The following SNPH variants were observed in gnomAD, a reference collection of about 807,000 sequenced individuals.
The protein encoded by SNPH is syntaphilin.
Under a neutral mutation model 36.8 loss-of-function variants are expected in SNPH, and 10 were observed. The ratio of observed to expected loss-of-function variants is 0.27; its 90% confidence interval spans 0.17 to 0.46. The LOEUF (loss-of-function observed/expected upper bound fraction) is 0.46. Among genes scored for constraint, SNPH ranks in the 20% least tolerant of loss-of-function variants. The probability of loss-of-function intolerance (pLI) is 1.00; values close to 1 mark genes in which losing one functional copy is unlikely to be tolerated. For synonymous variants in SNPH, 281 were observed against 312.2 expected, an observed-to-expected ratio of 0.90 and a Z score of 1.05; for missense variants, 622 against 744.0, an observed-to-expected ratio of 0.84 and a Z score of 1.91.
At chr20:1,303,221 C>T (rs943839298) in intron 6 of SNPH, among the ~76,000 whole-genome samples, 4 of 152,276 alleles carry the variant, frequency 2.6e-5, no homozygotes, top group Non-Finnish European at 5.9e-5. Context: ...TCTGTGCTTT[C>T]GTATCTGTGT....
Position 1,294,431 on chromosome 20 carries a change from AC to A in SNPH, c.-492-515del, listed in dbSNP as rs1352045060. On this transcript the variant is annotated intron_variant, in intron 2 of 6. Coordinates refer to ENST00000381867, the MANE Select transcript of SNPH (RefSeq NM_001318234.2). This position sits in a 1 kb window ranked among gnomAD's most constrained non-coding sequence, Gnocchi z 4.4. ...CATGGAGGAGCACTGATGTCCTCTT[AC>A]CCCCAAATCGCCCCTCCTCCATGGT... 6.6e-6 allele frequency among the ~76,000 whole-genome samples: 1 copy of A among 151,846 alleles called. No homozygotes were observed. Among genetic ancestry groups the A allele is most frequent in the Non-Finnish European group, 1.5e-5 (1 of 67,950 alleles).
chr20:1,279,561 A>G (rs957995628), intron 2 of SNPH, among the ~76,000 whole-genome samples: 9 of 150,388 alleles, frequency 6.0e-5, no homozygotes, highest in African/African-American at 2.0e-4. Context: ...CTCAGTGTGT[A>G]TGAGTGAGTG....
At chr20:1,269,337 T>C (rs1445930195) in intron 2 of SNPH, among the ~76,000 whole-genome samples, 2 of 152,230 alleles carry the variant, frequency 1.3e-5, no homozygotes, top group Non-Finnish European at 2.9e-5. Flanking sequence ...CTCAACGTCA[T>C]TTATGAAGTC....
chr20:1,294,041 C>A lies in SNPH; in HGVS notation c.-492-910C>A, dbSNP rs1365224151. ...CTGAGTCCTGCCTCTGCTGGAAAGTCCTCCTGAAGGCTCAGCCTCCTTTTT... is the reference window on the plus strand; with the variant it reads ...CTGAGTCCTGCCTCTGCTGGAAAGTACTCCTGAAGGCTCAGCCTCCTTTTT... On this transcript the variant is annotated intron_variant, in intron 2 of 6. Coordinates refer to ENST00000381867, the MANE Select transcript of SNPH (RefSeq NM_001318234.2). The surrounding 1 kb of genome is among the most constrained non-coding windows in gnomAD (Gnocchi z 4.4). 6.6e-6 allele frequency among the ~76,000 whole-genome samples: 1 copy of A among 152,178 alleles called. No homozygotes were observed. Among genetic ancestry groups the A allele is most frequent in the Non-Finnish European group, 1.5e-5 (1 of 68,030 alleles).
chr20:1,284,304 C>T (rs1600251877), intron 2 of SNPH, among the ~76,000 whole-genome samples: 6 of 152,292 alleles, frequency 3.9e-5, no homozygotes, highest in Admixed American at 3.9e-4. Context: ...CCTACACTTA[C>T]TTGGGTGGTG....
chr20:1,305,775 C>A lies in SNPH; in HGVS notation c.1338C>A (p.Cys446Ter). 1 of 1,609,142 alleles carries A rather than the reference C, an allele frequency of 6.2e-7. No homozygotes were observed. Among genetic ancestry groups the A allele is most frequent in the Non-Finnish European group, 8.5e-7 (1 of 1,178,300 alleles). Residue 446 changes from cysteine to a stop codon, truncating the protein, a stop_gained, in exon 7 of 7, where the codon TGC becomes TGA. Coordinates refer to ENST00000381867, the MANE Select transcript of SNPH (RefSeq NM_001318234.2). LOFTEE classifies it high-confidence loss of function. ...CTGGCCAGTCGGTGAGCGTGGTGTG[C>A]CCCATGGAAGAGGAGGAGGAGGCTG... is the stretch of plus-strand genomic sequence containing the variant. ...PNPGQSVSVV[C>*]PMEEEEEAAV...
chr20:1,294,407 A>G lies in SNPH; in HGVS notation c.-492-544A>G, dbSNP rs886754724. On this transcript the variant is annotated intron_variant, in intron 2 of 6. Coordinates refer to ENST00000381867, the MANE Select transcript of SNPH (RefSeq NM_001318234.2). This position sits in a 1 kb window ranked among gnomAD's most constrained non-coding sequence, Gnocchi z 4.4. Reference sequence around the variant, plus strand: ...GCCATTTATGGCCATCCTCACAAGCATGGAGGAGCACTGATGTCCTCTTAC... The same window carrying G: ...GCCATTTATGGCCATCCTCACAAGCGTGGAGGAGCACTGATGTCCTCTTAC... Among the ~76,000 whole-genome samples, 2 of 152,124 alleles carry G rather than the reference A, an allele frequency of 1.3e-5. No individual in the cohort carries two copies. Among genetic ancestry groups the G allele is most frequent in the African/African-American group, 4.8e-5 (2 of 41,428 alleles).
intron 2 of SNPH, among the ~76,000 whole-genome samples, chr20:1,271,021 G>A (rs1405641971): frequency 6.6e-6 from 1 of 152,232 alleles, no homozygotes; most frequent in East Asian, 1.9e-4. Context: ...AGAGGCTGAG[G>A]CCTGTGCACC....
Position 1,304,911 on chromosome 20 carries a change from G to C in SNPH, c.474G>C (p.Leu158=), listed in dbSNP as rs2088546894. Residue 158 remains leucine (L), a synonymous_variant, in exon 7 of 7, where the codon CTG becomes CTC. Transcript: ENST00000381867. This position sits in a 1 kb window ranked among gnomAD's most constrained non-coding sequence, Gnocchi z 4.3. Reference sequence around the variant, plus strand: ...AGATTGATGACCTGAAGACGCAGCTGTCACGCATGCAGGAGGACTGGATTG... The same window carrying C: ...AGATTGATGACCTGAAGACGCAGCTCTCACGCATGCAGGAGGACTGGATTG... ...DTEIDDLKTQ[L]SRMQEDWIEE... is the part of the protein sequence containing the mutation. 1.9e-6 allele frequency: 3 copies of C among 1,613,384 alleles called. No individual in the cohort carries two copies. The highest frequency in any genetic ancestry group is 2.5e-6 in the Non-Finnish European group (3 of 1,180,030).
intron 5 of SNPH, 33 bp from the exon 6 acceptor site, chr20:1,300,529 C>T (rs750345747): frequency 1.2e-6 from 2 of 1,613,246 alleles, no homozygotes; most frequent in Non-Finnish European, 1.7e-6. Context: ...CTGACCTCTT[C>T]CTCCCTCCCT....
At chr20:1,292,626 T>A (rs2077304) in intron 2 of SNPH, among the ~76,000 whole-genome samples, 8,912 of 152,240 alleles carry the variant, frequency 0.059, 827 homozygotes, top group African/African-American at 0.2. Context: ...ATTGTGCCCC[T>A]TTCCTATAAA....
chr20:1,277,610 CTGTG>C (rs535321800), intron 2 of SNPH, among the ~76,000 whole-genome samples: 49 of 68,856 alleles, frequency 7.1e-4, no homozygotes, highest in African/African-American at 2.5e-3. Flanking sequence ...CTGTGTGTGT[CTGTG>C]TATGTGTGCC....
At chr20:1,299,018 C>A (rs567694722) in intron 5 of SNPH, among the ~76,000 whole-genome samples, 7 of 152,002 alleles carry the variant, frequency 4.6e-5, no homozygotes, top group Admixed American at 2.6e-4. Flanking sequence ...ACTCCTACCA[C>A]CCCTTGCCAA....
chr20:1,304,984 C>T lies in SNPH; in HGVS notation c.547C>T (p.Arg183Ter), dbSNP rs762901766. 3.1e-6 allele frequency: 5 copies of T among 1,613,770 alleles called. No individual in the cohort carries two copies. Among genetic ancestry groups the T allele is most frequent in the Non-Finnish European group, 2.5e-6 (3 of 1,180,032 alleles). The change falls in exon 7 of 7, where the codon CGA (arginine) becomes TGA (stop). Residue 183 changes from arginine (R) to a stop codon, truncating the protein, a stop_gained. Coordinates refer to ENST00000381867, the MANE Select transcript of SNPH (RefSeq NM_001318234.2). LOFTEE classifies it high-confidence loss of function. The surrounding 1 kb of genome is among the most constrained non-coding windows in gnomAD (Gnocchi z 4.3). ...GGCCCAGCTGGCCCTGAAGGAGGCC[C>T]GAAAGGAGATCAAGCAGCTCAAGCA... ...VEAQLALKEA[R>*]KEIKQLKQVI... is the part of the protein sequence containing the mutation.
Position 1,276,938 on chromosome 20 carries a change from T to G in SNPH, c.-493+10178T>G, listed in dbSNP as rs935621935. Reference sequence around the variant, plus strand: ...TCGTTGGTCAATTATTAGAAATCAGTTGGGGTTCGGCTTGGATGTCTGTTT... The same window carrying G: ...TCGTTGGTCAATTATTAGAAATCAGGTGGGGTTCGGCTTGGATGTCTGTTT... On this transcript the variant is annotated intron_variant, in intron 2 of 6. Transcript: ENST00000381867. The surrounding 1 kb of genome is among the most constrained non-coding windows in gnomAD (Gnocchi z 4.6). Among the ~76,000 whole-genome samples the G allele has an allele frequency of 6.6e-6, 1 of 152,174 alleles. No individual in the cohort carries two copies. The highest frequency in any genetic ancestry group is 1.5e-5 in the Non-Finnish European group (1 of 68,034).
In SNPH at chr20:1,308,566, T is replaced by C. The variant is rs1273112631; in HGVS notation, c.*2512T>C. 1.3e-5 allele frequency: 2 copies of C among 152,654 alleles called. No homozygotes were observed. Among genetic ancestry groups the C allele is most frequent in the African/African-American group, 4.8e-5 (2 of 41,460 alleles). 9.5% of individuals were successfully genotyped at this position (152,654 alleles called of 1,614,324 possible). A position where few individuals can be genotyped will look rare whatever the true frequency, so the allele number is the denominator to read the frequency against. On this transcript the variant is annotated 3_prime_UTR_variant, in exon 7 of 7. Transcript: ENST00000381867. ...GCGGTGGAGGTGCGGCAGCTGCTGC[T>C]CAGGTGCCATGCCCTGAAGAGGCAG...
chr20:1,298,102 G>A (rs2088461876), intron 5 of SNPH, among the ~76,000 whole-genome samples: 1 of 152,194 alleles, frequency 6.6e-6, no homozygotes, highest in Non-Finnish European at 1.5e-5. Context: ...CCCCAGCATT[G>A]AAATACAAGT....
rs1426122179 is a variant in SNPH, at chr20:1,266,306, G to A, written c.-691G>A. 6.5e-6 allele frequency: 1 copy of A among 152,998 alleles called. No homozygotes were observed. Among genetic ancestry groups the A allele is most frequent in the Admixed American group, 6.8e-5 (1 of 14,728 alleles). 9.5% of individuals were successfully genotyped at this position (152,998 alleles called of 1,614,324 possible). ...CCTCCCTCCCGGCAGCCCCAGCCCC[G>A]GCGAGCACCCAGCTAGCCGCCTCCT... On this transcript the variant is annotated 5_prime_UTR_variant, in exon 1 of 7. Coordinates refer to ENST00000381867, the MANE Select transcript of SNPH (RefSeq NM_001318234.2). This position sits in a 1 kb window ranked among gnomAD's most constrained non-coding sequence, Gnocchi z 6.0.
chr20:1,295,592 G>T (rs752220319), intron 3 of SNPH, among the ~76,000 whole-genome samples, 184 bp from the exon 4 acceptor site: 1 of 152,260 alleles, frequency 6.6e-6, no homozygotes, highest in Admixed American at 6.5e-5. Context: ...CCTGTGTGCC[G>T]CATGGGTGCG....
Sources: gnomAD v4.1 joint callset for allele counts (sites outside exome capture counted in the v4.1 genomes callset) on GRCh38, gnomAD v4.1.1 for gene constraint, Gnocchi (gnomAD v3.1) non-coding constraint, MANE v1.5 for transcripts, NCBI Gene and HGNC (gene_info 2026-07-23, HGNC 2026-07-21) for gene names.